MED13L: variants seen among roughly 807,000 people sequenced by gnomAD.
The protein encoded by MED13L is mediator complex subunit 13L.
A neutral mutation model predicts 220.9 loss-of-function variants in MED13L; 7 were observed. That is an observed-to-expected ratio of 0.03 (90% CI 0.02 to 0.06). The LOEUF (loss-of-function observed/expected upper bound fraction) is 0.06, where lower values mean the gene tolerates loss of function less well. MED13L is among the 10% of genes least tolerant of loss of function. MED13L has a pLI of 1.00. For missense variants in MED13L, 1,965 were observed against 2,760.5 expected, an observed-to-expected ratio of 0.71 and a Z score of 6.46; for synonymous variants, 1,011 against 1,015.2, an observed-to-expected ratio of 1.00 and a Z score of 0.08.
intron 2 of MED13L, among the ~76,000 whole-genome samples, chr12:116,151,467 T>C (rs1325034515): frequency 6.6e-6 from 1 of 152,192 alleles, no homozygotes; most frequent in Non-Finnish European, 1.5e-5. Flanking sequence ...AATAAACGCA[T>C]ACAATAAAAC....
At chr12:115,975,337 G>A (rs1268587838) in intron 24 of MED13L, 24 bp from the exon 25 acceptor site, 33 of 1,613,966 alleles carry the variant, frequency 2.0e-5, no homozygotes, top group Non-Finnish European at 2.8e-5. Flanking sequence ...AAATGGGGAA[G>A]GGGAAGGGGT....
intron 2 of MED13L, among the ~76,000 whole-genome samples, chr12:116,182,387 T>C (rs1880587856): frequency 6.6e-6 from 1 of 152,176 alleles, no homozygotes; most frequent in Admixed American, 6.5e-5. Context: ...ACTTCTCCTA[T>C]CTTTGGTCTC....
intron 5 of MED13L, among the ~76,000 whole-genome samples, chr12:116,021,533 T>C (rs190553158): frequency 6.0e-4 from 91 of 152,290 alleles, no homozygotes; most frequent in Non-Finnish European, 1.1e-3. Context: ...ACAGATGCTT[T>C]CATTGAATTA....
chr12:115,972,935 A>C (rs1876687878), intron 25 of MED13L, among the ~76,000 whole-genome samples: 1 of 152,146 alleles, frequency 6.6e-6, no homozygotes, highest in African/African-American at 2.4e-5. Flanking sequence ...TCCCTTACAC[A>C]CACGAAGTAT....
Position 116,087,077 on chromosome 12 carries a change from T to C in MED13L, c.479+9592A>G, listed in dbSNP as rs187604336. Among the ~76,000 whole-genome samples the C allele has an allele frequency of 1.1e-4, 16 of 152,328 alleles. No homozygotes were observed. In the East Asian group the frequency reaches 3.1e-3, roughly 29 times the overall value. Reference sequence around the variant, plus strand: ...TAAAAACTGATTCACAAATATTTGATTGGCAAGCTTTCTCTAGTACAAGAA... The same window carrying C: ...TAAAAACTGATTCACAAATATTTGACTGGCAAGCTTTCTCTAGTACAAGAA... On this transcript the variant is annotated intron_variant, in intron 4 of 30. Transcript: ENST00000281928.
intron 2 of MED13L, among the ~76,000 whole-genome samples, chr12:116,124,023 T>C (rs966985873): frequency 3.9e-5 from 6 of 152,212 alleles, no homozygotes; most frequent in African/African-American, 1.2e-4. Flanking sequence ...ATTTTTCCTA[T>C]ATGAGCTGCC....
intron 9 of MED13L, among the ~76,000 whole-genome samples, chr12:116,010,434 T>C (rs1274132614): frequency 2.0e-5 from 3 of 152,222 alleles, no homozygotes; most frequent in Admixed American, 1.3e-4. Flanking sequence ...CACTTTATGA[T>C]ACCCTCTTCA....
At chr12:116,241,705 G>T (rs1326750974) in intron 1 of MED13L, among the ~76,000 whole-genome samples, 1 of 152,150 alleles carries the variant, frequency 6.6e-6, no homozygotes, top group Non-Finnish European at 1.5e-5. Context: ...TGACACAACA[G>T]CAACGCTACA....
At chr12:116,027,804 G>A (rs555313277) in intron 4 of MED13L, among the ~76,000 whole-genome samples, 6 of 152,282 alleles carry the variant, frequency 3.9e-5, no homozygotes, top group African/African-American at 1.2e-4. Flanking sequence ...AAACCGCACT[G>A]AGAACAGAAT....
chr12:116,125,901 C>T (rs1465693369), intron 2 of MED13L, among the ~76,000 whole-genome samples: 1 of 152,184 alleles, frequency 6.6e-6, no homozygotes, highest in Non-Finnish European at 1.5e-5. Context: ...ATTTCTGTTA[C>T]AATTATCTGG....
intron 7 of MED13L, 128 bp from the exon 8 acceptor site, chr12:116,015,402 C>T (rs931255390): frequency 2.0e-6 from 2 of 984,210 alleles, no homozygotes; most frequent in South Asian, 2.7e-5. Flanking sequence ...TTTTCCCTAT[C>T]CCCTGGCAAT....
intron 3 of MED13L, among the ~76,000 whole-genome samples, chr12:116,108,922 G>A (rs1489725656): frequency 6.6e-6 from 1 of 151,972 alleles, no homozygotes; most frequent in East Asian, 1.9e-4. Context: ...CAAGGTACAT[G>A]GTGTCCTGTA....
chr12:116,202,614 T>G (rs1053862783), intron 2 of MED13L, among the ~76,000 whole-genome samples: 2 of 152,150 alleles, frequency 1.3e-5, no homozygotes, highest in Admixed American at 6.5e-5. Context: ...ACCACCAAGC[T>G]GTATGACACT....
intron 22 of MED13L, chr12:115,981,932 T>C (rs1024704450): frequency 7.4e-5 from 14 of 189,266 alleles, no homozygotes; most frequent in Admixed American, 2.7e-4. Flanking sequence ...TATACTTTCA[T>C]GTACAGGTTG....
chr12:116,001,583 A>T lies in MED13L; in HGVS notation c.2569+1420T>A, dbSNP rs538392494. Among the ~76,000 whole-genome samples, 148 of 152,248 alleles carry T rather than the reference A, an allele frequency of 9.7e-4. 1 individual carries two copies. Among genetic ancestry groups the T allele is most frequent in the African/African-American group, 3.4e-3 (143 of 41,524 alleles). ...GCTATTTTCATTGTCATTTCTTGGG[A>T]GGAAATACTGTGTGTTCCCCTCACT... On this transcript the variant is annotated intron_variant, in intron 14 of 30. Transcript: ENST00000281928.
chr12:116,029,813 TG>T (rs1880620989), intron 4 of MED13L, among the ~76,000 whole-genome samples: 1 of 152,218 alleles, frequency 6.6e-6, no homozygotes, highest in South Asian at 2.1e-4. Flanking sequence ...TGTTTTCTAG[TG>T]TATACCATGG....
intron 4 of MED13L, among the ~76,000 whole-genome samples, chr12:116,063,371 A>G (rs964696090): frequency 6.6e-6 from 1 of 152,190 alleles, no homozygotes; most frequent in Non-Finnish European, 1.5e-5. Context: ...AAAAATAATT[A>G]GCTGGGCATA....
At position 115,991,089 on chromosome 12, in the gene MED13L, G is replaced by C. The variant is rs1394627478; in HGVS notation, c.3865C>G (p.Pro1289Ala). ...GCTTCGTCCACTTTTCCACCAGTGG[G>C]GTTATCCACATACTGCCGCCCCTGC... ...LEQGRQYVDN[P>A]TGGKVDEALV... Residue 1289 changes from proline (P) to alanine (A), a missense_variant, in exon 17 of 31, where the codon CCC becomes GCC. Pro to Ala is a conservative substitution (Grantham distance 27). Transcript: ENST00000281928. This position sits in a 1 kb window ranked among gnomAD's most constrained non-coding sequence, Gnocchi z 7.7. 8 of 1,614,140 alleles carry C rather than the reference G, an allele frequency of 5.0e-6. No homozygotes were observed. The South Asian group carries it at 8.8e-5, about 18-fold the overall frequency.
intron 4 of MED13L, among the ~76,000 whole-genome samples, chr12:116,064,764 T>G (rs966731235): frequency 2.6e-5 from 4 of 152,214 alleles, no homozygotes; most frequent in African/African-American, 9.6e-5. Context: ...CTCTTCCATC[T>G]GACACTGGTA....
Sources: allele counts gnomAD v4.1 joint callset (sites outside exome capture counted in the v4.1 genomes callset), GRCh38; gene constraint gnomAD v4.1.1; non-coding constraint Gnocchi (gnomAD v3.1); transcripts MANE v1.5; gene names NCBI Gene and HGNC (gene_info 2026-07-23, HGNC 2026-07-21).